The following SENP8 variants were observed in gnomAD, a reference collection of about 807,000 sequenced individuals.
SENP8 encodes sentrin-specific protease 8.
Under a neutral mutation model 14.4 loss-of-function variants are expected in SENP8, and 10 were observed. That is an observed-to-expected ratio of 0.69 (90% CI 0.43 to 1.18). The LOEUF (loss-of-function observed/expected upper bound fraction) is 1.18. SENP8 is among the 50% of genes most tolerant of loss of function. The probability of loss-of-function intolerance (pLI) is 0.00; values close to 1 mark genes in which losing one functional copy is unlikely to be tolerated. For synonymous variants in SENP8, 94 were observed against 95.5 expected, an observed-to-expected ratio of 0.98 and a Z score of 0.09; for missense variants, 202 against 249.4, an observed-to-expected ratio of 0.81 and a Z score of 1.28.
chr15:72,119,979 T>C (rs1161201917), intron 1 of SENP8, among the ~76,000 whole-genome samples: 1 of 152,164 alleles, frequency 6.6e-6, no homozygotes, highest in Non-Finnish European at 1.5e-5. Flanking sequence ...AGCTGTTGTC[T>C]CCAGCCTTAA....
intron 1 of SENP8, chr15:72,134,710 G>A (rs572240777): frequency 1.8e-4 from 40 of 219,068 alleles, no homozygotes; most frequent in African/African-American, 9.1e-4. Flanking sequence ...AAAACATGGA[G>A]TTGTTCCTTT....
At chr15:72,117,590 G>A (rs1338229487), upstream of SENP8, 7 of 386,810 alleles carry the variant, frequency 1.8e-5, no homozygotes, top group Non-Finnish European at 3.2e-5. Flanking sequence ...GCTGGGACGG[G>A]GCGGGGCGGC....
intron 1 of SENP8, among the ~76,000 whole-genome samples, chr15:72,136,005 T>G (rs1232241798): frequency 6.6e-6 from 1 of 152,210 alleles, no homozygotes; most frequent in African/African-American, 2.4e-5. Flanking sequence ...CAGGGAGCAG[T>G]CATTCTGCCT....
In SENP8 at chr15:72,139,827, A is replaced by G. The variant is rs778390156; in HGVS notation, c.204A>G (p.Pro68=). Residue 68 remains proline (P), a synonymous_variant, in exon 2 of 2, where the codon CCA becomes CCG. Coordinates refer to ENST00000340912, the MANE Select transcript of SENP8 (RefSeq NM_145204.4). The part of the protein sequence containing the change: ...VTQFIKCTSN[P]AEIAMFLEPL... ...AGTTCATCAAGTGCACTAGCAACCC[A>G]GCAGAGATTGCCATGTTCCTTGAAC... 21 of 1,614,126 alleles carry G rather than the reference A, an allele frequency of 1.3e-5. No homozygotes were observed. Among genetic ancestry groups the G allele is most frequent in the East Asian group, 1.1e-4 (5 of 44,898 alleles).
chr15:72,122,616 A>G (rs896554527), intron 1 of SENP8, among the ~76,000 whole-genome samples: 3 of 152,212 alleles, frequency 2.0e-5, no homozygotes, highest in African/African-American at 4.8e-5. Context: ...CTTCTTCAAC[A>G]TAACTAGCCT....
Position 72,141,766 on chromosome 15 carries a change from C to A in SENP8, c.*1504C>A. The A allele has an allele frequency of 6.6e-6, 1 of 152,118 alleles. No individual in the cohort carries two copies. Among genetic ancestry groups the A allele is most frequent in the Non-Finnish European group, 1.5e-5 (1 of 68,022 alleles). The allele number at this position is 152,118 out of a possible 1,614,324, so 9.4% of individuals were successfully genotyped here. ...AAGTCGGTACATTTTGGATAAAAACCAGTCCTAATGGAAGATGGGGCTAGG... is the reference window on the plus strand; with the variant it reads ...AAGTCGGTACATTTTGGATAAAAACAAGTCCTAATGGAAGATGGGGCTAGG... On this transcript the variant is annotated 3_prime_UTR_variant, in exon 2 of 2. Transcript: ENST00000340912.
At chr15:72,138,984 A>C (rs1390201804) in intron 1 of SENP8, among the ~76,000 whole-genome samples, 1 of 151,542 alleles carries the variant, frequency 6.6e-6, no homozygotes, top group African/African-American at 2.4e-5. Flanking sequence ...AAAAAAAAAA[A>C]ACTTTACTAC....
chr15:72,117,857 T>A, upstream of SENP8: 1 of 398,214 alleles, frequency 2.5e-6, no homozygotes. Context: ...CCGCGGCGCA[T>A]CCCCCGCCCT....
At chr15:72,116,850 TATA>T (rs1432652649), upstream of SENP8, 1 of 152,042 alleles carries the variant, frequency 6.6e-6, no homozygotes, top group Admixed American at 6.6e-5. Flanking sequence ...TCTGTGACCT[TATA>T]ATGGCACACA....
intron 1 of SENP8, among the ~76,000 whole-genome samples, chr15:72,129,741 G>T (rs2081254601): frequency 6.6e-6 from 1 of 150,948 alleles, no homozygotes; most frequent in African/African-American, 2.4e-5. Flanking sequence ...TACTTAGGAG[G>T]CTAAGGCAGG....
At chr15:72,115,099 T>C (rs1422896551), upstream of SENP8, among the ~76,000 whole-genome samples, 2 of 152,234 alleles carry the variant, frequency 1.3e-5, no homozygotes, top group African/African-American at 4.8e-5. Context: ...TAAAAATTCA[T>C]ATATTAGATA....
chr15:72,117,435 G>T (rs931363056), upstream of SENP8, among the ~76,000 whole-genome samples: 1 of 152,094 alleles, frequency 6.6e-6, no homozygotes, highest in Non-Finnish European at 1.5e-5. Context: ...GGGTTGGGGG[G>T]ACCGTGACAG....
At chr15:72,117,362 AC>A (rs1214951408), upstream of SENP8, among the ~76,000 whole-genome samples, 1 of 152,166 alleles carries the variant, frequency 6.6e-6, no homozygotes, top group East Asian at 1.9e-4. Flanking sequence ...GGAGGATGTA[AC>A]GTAGTCTAGA....
At chr15:72,138,162 C>A (rs4776586) in intron 1 of SENP8, among the ~76,000 whole-genome samples, 30,733 of 151,824 alleles carry the variant, frequency 0.2, 3,305 homozygotes, top group East Asian at 0.41. Context: ...TAATTTTAAT[C>A]TCTGTGCTTC....
intron 1 of SENP8, among the ~76,000 whole-genome samples, chr15:72,128,523 G>A (rs563849112): frequency 2.0e-5 from 3 of 152,308 alleles, no homozygotes; most frequent in African/African-American, 7.2e-5. Context: ...CAAAAGTTCT[G>A]TGAGATTCTC....
chr15:72,124,007 A>T (rs540651884), intron 1 of SENP8, among the ~76,000 whole-genome samples: 17 of 152,232 alleles, frequency 1.1e-4, no homozygotes, highest in Non-Finnish European at 2.2e-4. Flanking sequence ...CCTTGGCCCC[A>T]GACAGAATAA....
At chr15:72,127,009 C>G (rs2081227181) in intron 1 of SENP8, among the ~76,000 whole-genome samples, 1 of 152,172 alleles carries the variant, frequency 6.6e-6, no homozygotes, top group African/African-American at 2.4e-5. Context: ...ACTTCCCAGA[C>G]TCTAAATGTA....
intron 1 of SENP8, among the ~76,000 whole-genome samples, chr15:72,138,979 A>C (rs998603731): frequency 6.6e-5 from 10 of 151,698 alleles, no homozygotes; most frequent in African/African-American, 1.5e-4. Context: ...AAAAAAAAAA[A>C]AAAAAACTTT....
rs1236631253 is a variant in SENP8 at position 72,142,649 on chromosome 15, G to A, written c.*2387G>A. Reference sequence around the variant, plus strand: ...AGAAAAGTTACCATATATAAACCCAGCTATAAATGGTTGTAGAAAATATAA... The same window carrying A: ...AGAAAAGTTACCATATATAAACCCAACTATAAATGGTTGTAGAAAATATAA... On this transcript the variant is annotated 3_prime_UTR_variant, in exon 2 of 2. Coordinates refer to ENST00000340912, the MANE Select transcript of SENP8 (RefSeq NM_145204.4). The A allele has an allele frequency of 6.6e-6, 1 of 152,204 alleles. No individual in the cohort carries two copies. The highest frequency in any genetic ancestry group is 1.9e-4 in the East Asian group (1 of 5,182). 9.4% of individuals were successfully genotyped at this position (152,204 alleles called of 1,614,324 possible). A position where few individuals can be genotyped will look rare whatever the true frequency, so the allele number is the denominator to read the frequency against.
Sources: allele counts gnomAD v4.1 joint callset (sites outside exome capture counted in the v4.1 genomes callset), GRCh38; gene constraint gnomAD v4.1.1; transcripts MANE v1.5; gene names NCBI Gene and HGNC (gene_info 2026-07-23, HGNC 2026-07-21).